MTUS2: variants seen among roughly 807,000 people sequenced by gnomAD.
MTUS2 encodes the protein microtubule-associated tumor suppressor candidate 2.
Under a neutral mutation model 114.1 loss-of-function variants are expected in MTUS2, and 40 were observed. That is an observed-to-expected ratio of 0.35 (90% CI 0.27 to 0.46). MTUS2 has a LOEUF of 0.46. Among genes scored for constraint, MTUS2 ranks in the 20% least tolerant of loss-of-function variants. The pLI is 1.00. For synonymous variants in MTUS2, 688 were observed against 672.0 expected (o/e 1.02, Z -0.37); for missense variants, 1,679 against 1,705.4 (o/e 0.98, Z 0.27).
intron 5 of MTUS2, among the ~76,000 whole-genome samples, chr13:29,194,434 G>A (rs1441524203): frequency 1.3e-5 from 2 of 151,410 alleles, no homozygotes; most frequent in Admixed American, 6.6e-5. Flanking sequence ...AGTGGGCGAA[G>A]GACATGAACA....
intron 5 of MTUS2, among the ~76,000 whole-genome samples, chr13:29,222,686 C>T (rs1454352349): frequency 6.6e-6 from 1 of 152,220 alleles, no homozygotes; most frequent in Non-Finnish European, 1.5e-5. Flanking sequence ...GAGCCCCGCC[C>T]TCCTGGGTGC....
chr13:28,927,925 C>T (rs748397775), intron 2 of MTUS2, among the ~76,000 whole-genome samples: 3 of 152,082 alleles, frequency 2.0e-5, no homozygotes, highest in Non-Finnish European at 4.4e-5. Flanking sequence ...GACACATAGA[C>T]CAATGGAACA....
chr13:29,384,770 A>G (rs1486777414), intron 8 of MTUS2, among the ~76,000 whole-genome samples: 1 of 152,114 alleles, frequency 6.6e-6, no homozygotes, highest in Admixed American at 6.5e-5. Context: ...TATCCTTCAA[A>G]CATGGCAGCC....
At chr13:28,904,175 A>C (rs915159562) in intron 2 of MTUS2, among the ~76,000 whole-genome samples, 1 of 152,000 alleles carries the variant, frequency 6.6e-6, no homozygotes, top group Non-Finnish European at 1.5e-5. Context: ...TTGTCAGATG[A>C]GTAGGTTGCG....
At chr13:29,371,777 TC>T in intron 8 of MTUS2, among the ~76,000 whole-genome samples, 1 of 152,194 alleles carries the variant, frequency 6.6e-6, no homozygotes, top group South Asian at 2.1e-4. Flanking sequence ...CTCTTAGTAT[TC>T]CTGTTTTCCA....
intron 4 of MTUS2, among the ~76,000 whole-genome samples, chr13:29,058,791 A>G (rs1488260620): frequency 6.9e-6 from 1 of 145,746 alleles, no homozygotes; most frequent in Non-Finnish European, 1.5e-5. Flanking sequence ...TCAATTCCCA[A>G]CTATGAGTGA....
intron 5 of MTUS2, among the ~76,000 whole-genome samples, chr13:29,281,170 C>G (rs755784870): frequency 6.6e-6 from 1 of 152,166 alleles, no homozygotes; most frequent in Non-Finnish European, 1.5e-5. Context: ...CTCTACCCCT[C>G]TACCTTCATC....
intron 3 of MTUS2, among the ~76,000 whole-genome samples, chr13:29,032,713 T>C (rs1886883789): frequency 6.6e-6 from 1 of 152,246 alleles, no homozygotes; most frequent in Non-Finnish European, 1.5e-5. Flanking sequence ...ATTTCAACAT[T>C]AAATGAGTAT....
chr13:28,945,866 G>C (rs1160824601), intron 2 of MTUS2, among the ~76,000 whole-genome samples: 3 of 152,146 alleles, frequency 2.0e-5, no homozygotes, highest in Non-Finnish European at 4.4e-5. Flanking sequence ...GTTTGCATTT[G>C]AGGTTTTAAT....
At chr13:29,198,619 G>T (rs1244455590) in intron 5 of MTUS2, among the ~76,000 whole-genome samples, 1 of 152,152 alleles carries the variant, frequency 6.6e-6, no homozygotes, top group Non-Finnish European at 1.5e-5. Context: ...GTCAATGGTA[G>T]CTTGGTGGGG....
intron 4 of MTUS2, among the ~76,000 whole-genome samples, chr13:29,053,188 C>T (rs1887982525): frequency 6.6e-6 from 1 of 152,066 alleles, no homozygotes; most frequent in Admixed American, 6.6e-5. Context: ...TGTGACTATT[C>T]AGAGTTATTA....
intron 2 of MTUS2, among the ~76,000 whole-genome samples, chr13:29,017,401 A>G (rs1209961538): frequency 1.3e-5 from 2 of 152,206 alleles, no homozygotes; most frequent in African/African-American, 4.8e-5. Context: ...TTGAATGTAC[A>G]TATGAAAATT....
At chr13:28,982,232 C>A (rs913741003) in intron 2 of MTUS2, among the ~76,000 whole-genome samples, 1 of 151,926 alleles carries the variant, frequency 6.6e-6, no homozygotes, top group Admixed American at 6.6e-5. Flanking sequence ...ATGCGAAAGT[C>A]AGCAGAGGTC....
chr13:29,075,932 T>C (rs1889174070), intron 4 of MTUS2, among the ~76,000 whole-genome samples: 1 of 152,196 alleles, frequency 6.6e-6, no homozygotes, highest in African/African-American at 2.4e-5. Context: ...CTTTAGCTTA[T>C]CCTTCTACTC....
chr13:28,844,590 A>AGAGTGTGTGTGT (rs148980977), intron 2 of MTUS2, among the ~76,000 whole-genome samples: 6 of 148,100 alleles, frequency 4.1e-5, no homozygotes, highest in South Asian at 2.2e-4. Context: ...TTTGTGTGTG[A>AGAGTGTGTGTGT]GTGTGTGTGT....
intron 2 of MTUS2, among the ~76,000 whole-genome samples, chr13:28,872,102 G>T (rs1476654089): frequency 1.3e-5 from 2 of 152,206 alleles, no homozygotes; most frequent in Non-Finnish European, 2.9e-5. Context: ...GTTGACCATG[G>T]TTATAAGTGG....
At chr13:29,135,329 T>C (rs929783356) in intron 5 of MTUS2, among the ~76,000 whole-genome samples, 12 of 152,240 alleles carry the variant, frequency 7.9e-5, no homozygotes, top group African/African-American at 2.9e-4. Flanking sequence ...AAGTTTATTT[T>C]GTGGTAGTAT....
intron 9 of MTUS2, among the ~76,000 whole-genome samples, chr13:29,460,654 C>T (rs1879416567): frequency 1.3e-5 from 2 of 152,136 alleles, no homozygotes; most frequent in Non-Finnish European, 2.9e-5. Context: ...CTTCATCTGT[C>T]GTGTTGAGAA....
Position 29,026,103 on chromosome 13 carries a change from G to A in MTUS2, c.1405G>A (p.Val469Ile). The change falls in exon 3 of 16, where the codon GTT (valine) becomes ATT (isoleucine). Residue 469 changes from valine (V) to isoleucine (I), a missense_variant. Physicochemically the swap from Val to Ile is conservative, Grantham distance 29 (BLOSUM62 3). Transcript: ENST00000612955. ...LGSGNKDSVM[V>I]LVFNPSVGEN... ...CAGTGGGAATAAGGACAGTGTTATGGTTTTGGTGTTCAATCCTTCTGTTGG... is the reference window on the plus strand; with the variant it reads ...CAGTGGGAATAAGGACAGTGTTATGATTTTGGTGTTCAATCCTTCTGTTGG... The A allele has an allele frequency of 1.9e-6, 3 of 1,614,006 alleles. No homozygotes were observed. Among genetic ancestry groups the A allele is most frequent in the South Asian group, 2.2e-5 (2 of 91,080 alleles).
Sources: gnomAD v4.1 joint callset for allele counts (sites outside exome capture counted in the v4.1 genomes callset) on GRCh38, gnomAD v4.1.1 for gene constraint, MANE v1.5 for transcripts, NCBI Gene and HGNC (gene_info 2026-07-23, HGNC 2026-07-21) for gene names.